Variants in PACRG observed in about 807,000 individuals in gnomAD.
The protein encoded by PACRG is parkin coregulated.
PACRG carries 29 observed loss-of-function variants against 29.7 expected under a neutral mutation model. The ratio of observed to expected loss-of-function variants is 0.98; its 90% CI spans 0.73 to 1.33. The LOEUF is 1.33. Ranked by LOEUF, PACRG falls within the 40% of genes most tolerant of loss-of-function variation. The pLI is 0.00. For missense variants in PACRG, 279 were observed against 316.2 expected, an observed-to-expected ratio of 0.88 and a Z score of 0.89; for synonymous variants, 116 against 118.7, an observed-to-expected ratio of 0.98 and a Z score of 0.15.
At chr6:163,004,512 A>G (rs891624678) in intron 2 of PACRG, among the ~76,000 whole-genome samples, 3 of 151,442 alleles carry the variant, frequency 2.0e-5, no homozygotes, top group East Asian at 2.0e-4. Flanking sequence ...TTATAAAACC[A>G]TCAGTTCTCA....
At chr6:163,239,297 A>G (rs1293875097) in intron 4 of PACRG, among the ~76,000 whole-genome samples, 1 of 152,148 alleles carries the variant, frequency 6.6e-6, no homozygotes. Flanking sequence ...CAAGTAGTAT[A>G]TTTCTGTGCA....
intron 4 of PACRG, among the ~76,000 whole-genome samples, chr6:163,269,448 G>A (rs1783652202): frequency 6.6e-6 from 1 of 152,184 alleles, no homozygotes; most frequent in South Asian, 2.1e-4. Flanking sequence ...CATGCCACCT[G>A]TGTCCATGGA....
chr6:162,827,109 T>C (rs1788350257), intron 2 of PACRG, among the ~76,000 whole-genome samples: 1 of 152,176 alleles, frequency 6.6e-6, no homozygotes, highest in Non-Finnish European at 1.5e-5. Context: ...ACAAAAAGAC[T>C]TCATTTACAT....
At chr6:162,852,012 G>GA (rs1554291957) in intron 2 of PACRG, among the ~76,000 whole-genome samples, 4 of 131,504 alleles carry the variant, frequency 3.0e-5, no homozygotes, top group South Asian at 3.0e-4. Flanking sequence ...AGGGAGGAAG[G>GA]AAGGAAGGAA....
At chr6:162,910,424 T>G (rs1796226156) in intron 2 of PACRG, among the ~76,000 whole-genome samples, 1 of 152,224 alleles carries the variant, frequency 6.6e-6, no homozygotes, top group Non-Finnish European at 1.5e-5. Flanking sequence ...CTGTATAAGA[T>G]TGTAACATGA....
chr6:162,868,924 A>C (rs1306745288), intron 2 of PACRG, among the ~76,000 whole-genome samples: 2 of 152,212 alleles, frequency 1.3e-5, no homozygotes, highest in Non-Finnish European at 2.9e-5. Flanking sequence ...CTGCTGACAC[A>C]GGGCAGCATG....
chr6:162,900,763 G>T (rs1293827835), intron 2 of PACRG, among the ~76,000 whole-genome samples: 1 of 152,084 alleles, frequency 6.6e-6, no homozygotes, highest in African/African-American at 2.4e-5. Context: ...CTGCCCCAGC[G>T]CCTTTCCTGT....
At chr6:162,915,013 C>A (rs1796609179) in intron 2 of PACRG, among the ~76,000 whole-genome samples, 1 of 151,758 alleles carries the variant, frequency 6.6e-6, no homozygotes, top group African/African-American at 2.4e-5. Flanking sequence ...GATCCTTTTG[C>A]CTTATATTTA....
At chr6:163,207,501 T>C (rs1308143536) in intron 4 of PACRG, among the ~76,000 whole-genome samples, 2 of 152,214 alleles carry the variant, frequency 1.3e-5, no homozygotes, top group Non-Finnish European at 2.9e-5. Flanking sequence ...ACATCAGACA[T>C]TTCCATGATA....
intron 4 of PACRG, among the ~76,000 whole-genome samples, chr6:163,276,741 G>A (rs1784042367): frequency 6.6e-6 from 1 of 152,128 alleles, no homozygotes; most frequent in South Asian, 2.1e-4. Flanking sequence ...AGCCCTTTTT[G>A]CACTTTCACC....
intron 4 of PACRG, among the ~76,000 whole-genome samples, chr6:163,235,664 C>G (rs1242011703): frequency 6.6e-6 from 1 of 152,116 alleles, no homozygotes. Flanking sequence ...GAAATATTGT[C>G]CACTTCCTCT....
At chr6:163,221,204 A>G (rs1305256802) in intron 4 of PACRG, among the ~76,000 whole-genome samples, 2 of 152,198 alleles carry the variant, frequency 1.3e-5, no homozygotes, top group African/African-American at 2.4e-5. Flanking sequence ...ATTTCCCCAC[A>G]TCTGGCTCAG....
intron 4 of PACRG, among the ~76,000 whole-genome samples, chr6:163,285,311 T>A (rs750778131): frequency 6.6e-6 from 1 of 152,088 alleles, no homozygotes; most frequent in Non-Finnish European, 1.5e-5. Context: ...TCTCCTTCCT[T>A]GTTCGTCCCT....
intron 4 of PACRG, among the ~76,000 whole-genome samples, chr6:163,263,123 C>G (rs991165795): frequency 7.0e-6 from 1 of 142,246 alleles, no homozygotes; most frequent in African/African-American, 2.6e-5. Flanking sequence ...GATCCAAGGC[C>G]CTGAGTTTTA....
chr6:163,011,493 G>A (rs1805611584), intron 2 of PACRG, among the ~76,000 whole-genome samples: 1 of 152,338 alleles, frequency 6.6e-6, no homozygotes, highest in South Asian at 2.1e-4. Flanking sequence ...AAGGCTTACA[G>A]GACTGGAAGT....
At chr6:162,727,609 T>A, upstream of PACRG, 3 of 1,552,058 alleles carry the variant, frequency 1.9e-6, no homozygotes, top group Non-Finnish European at 2.6e-6. Flanking sequence ...CGTGGCGCCA[T>A]ACCGGGGCGT....
At chr6:163,080,743 A>G (rs745780640) in intron 3 of PACRG, among the ~76,000 whole-genome samples, 1 of 152,256 alleles carries the variant, frequency 6.6e-6, no homozygotes, top group Non-Finnish European at 1.5e-5. Flanking sequence ...GAAAAATTGA[A>G]AAAGAGTCAG....
At chr6:162,910,906 T>C (rs928783096) in intron 2 of PACRG, among the ~76,000 whole-genome samples, 1 of 152,160 alleles carries the variant, frequency 6.6e-6, no homozygotes, top group African/African-American at 2.4e-5. Flanking sequence ...ACCTTCCGGC[T>C]CTCCACAGAT....
At chr6:162,906,611 C>T (rs1488386723) in intron 2 of PACRG, among the ~76,000 whole-genome samples, 5 of 152,196 alleles carry the variant, frequency 3.3e-5, no homozygotes, top group Admixed American at 2.6e-4. Context: ...AGTTTTCTCA[C>T]GATCTTCTTC....
Sources: allele counts gnomAD v4.1 joint callset (sites outside exome capture counted in the v4.1 genomes callset), GRCh38; gene constraint gnomAD v4.1.1; transcripts MANE v1.5; gene names NCBI Gene and HGNC (gene_info 2026-07-23, HGNC 2026-07-21).